Variants in ARMC6 observed in about 807,000 individuals in gnomAD.
The protein encoded by ARMC6 is armadillo repeat containing 6, also known as armadillo repeat-containing protein 6.
A neutral mutation model predicts 49.2 loss-of-function variants in ARMC6; 43 were observed. The observed-to-expected ratio is 0.87, with a 90% confidence interval of 0.69 to 1.13. The LOEUF is 1.13. Among genes scored for constraint, ARMC6 ranks in the 50% most tolerant of loss-of-function variants. The pLI is 0.00. For synonymous variants in ARMC6, 262 were observed against 289.6 expected (o/e 0.90, Z 0.97); for missense variants, 627 against 682.0 (o/e 0.92, Z 0.90).
rs1440675394 is a variant in ARMC6, at chr19:19,055,229, C to A, written c.1024-36C>A. On this transcript the variant is annotated intron_variant, in intron 6 of 8. Coordinates refer to ENST00000535612, the MANE Select transcript of ARMC6 (RefSeq NM_001199196.2). This position sits in a 1 kb window ranked among gnomAD's most constrained non-coding sequence, Gnocchi z 5.7. ...CAGAGCCCTCTCCCACAACCAGCGG[C>A]CTGGCTGGAGGTGAGCGGGCCTTTC... The A allele has an allele frequency of 1.3e-6, 2 of 1,541,418 alleles. No homozygotes were observed. The highest frequency in any genetic ancestry group is 1.2e-5 in the South Asian group (1 of 80,120).
intron 2 of ARMC6, chr19:19,037,836 G>C: frequency 2.7e-6 from 1 of 368,714 alleles, no homozygotes; most frequent in Non-Finnish European, 4.3e-6. Flanking sequence ...ACCCTGTCAA[G>C]ACCTTCTGGT....
At chr19:19,037,776 G>A (rs1375881281) in intron 2 of ARMC6, 9 of 847,204 alleles carry the variant, frequency 1.1e-5, no homozygotes, top group African/African-American at 1.9e-5. Context: ...CCTAAGGCCT[G>A]TTCCTCCTTT....
rs765835177 is a variant in ARMC6 at position 19,055,982 on chromosome 19, G to A, written c.1293+54G>A. The A allele has an allele frequency of 3.2e-6, 5 of 1,562,688 alleles. No individual in the cohort carries two copies. Among genetic ancestry groups the A allele is most frequent in the Non-Finnish European group, 4.3e-6 (5 of 1,157,088 alleles). On this transcript the variant is annotated intron_variant, in intron 8 of 8. Transcript: ENST00000535612. This position sits in a 1 kb window ranked among gnomAD's most constrained non-coding sequence, Gnocchi z 5.7. ...AGGCTGGTGTGGGATGTGCAGGTAGGTGCAGAGAGGGCATGGGAGCAGGTG... is the reference window on the plus strand; with the variant it reads ...AGGCTGGTGTGGGATGTGCAGGTAGATGCAGAGAGGGCATGGGAGCAGGTG...
In ARMC6 at chr19:19,052,124, A is replaced by T. The variant is rs750035899; in HGVS notation, c.782A>T (p.His261Leu). The change falls in exon 5 of 9, where the codon CAT (histidine) becomes CTT (leucine). Residue 261 changes from histidine to leucine, a missense_variant. His to Leu is a moderately conservative substitution (Grantham distance 99). Coordinates refer to ENST00000535612, the MANE Select transcript of ARMC6 (RefSeq NM_001199196.2). The part of the protein sequence containing the change: ...FDDDIRVPFG[H>L]AHNHAKMIVQ... ...GACGACATCCGTGTGCCCTTTGGCC[A>T]TGCCCACAACCATGCCAAGATGATT... 4 of 1,613,916 alleles carry T rather than the reference A, an allele frequency of 2.5e-6. No homozygotes were observed. In the South Asian group the frequency reaches 4.4e-5, roughly 18 times the overall value.
chr19:19,037,475 T>C (rs2059380099), intron 2 of ARMC6: 4 of 374,646 alleles, frequency 1.1e-5, no homozygotes, highest in Non-Finnish European at 1.6e-5. Context: ...CTCCCTGGGC[T>C]CCCACCTCAG....
chr19:19,054,057 C>T, intron 5 of ARMC6, 95 bp from the exon 6 acceptor site: 1 of 1,328,540 alleles, frequency 7.5e-7, no homozygotes, highest in Non-Finnish European at 1.0e-6. Context: ...GGCAGAAGGG[C>T]TGGACTCTTC....
In ARMC6 at chr19:19,055,316, G is replaced by A. The variant is rs549061274; in HGVS notation, c.1075G>A (p.Asp359Asn). Residue 359 changes from aspartate to asparagine, a missense_variant, in exon 7 of 9, where the codon GAC becomes AAC. Transcript: ENST00000535612. This position sits in a 1 kb window ranked among gnomAD's most constrained non-coding sequence, Gnocchi z 5.7. ...STLRAIAGND[D>N]VKDAIVRAGG... is the part of the protein sequence containing the mutation. ...CCTGCGAGCCATCGCAGGCAACGAC[G>A]ACGTGAAAGATGCTATTGTCCGTGC... The A allele has an allele frequency of 1.9e-6, 3 of 1,612,970 alleles. No individual in the cohort carries two copies. The highest frequency in any genetic ancestry group is 4.5e-5 in the East Asian group (2 of 44,782).
chr19:19,057,821 C>G lies in ARMC6; in HGVS notation c.*193C>G, dbSNP rs1460164535. 2 of 756,406 alleles carry G rather than the reference C, an allele frequency of 2.6e-6. No homozygotes were observed. The highest frequency in any genetic ancestry group is 3.5e-5 in the Admixed American group (2 of 56,556). The allele number at this position is 756,406 out of a possible 1,614,324, so 46.9% of individuals were successfully genotyped here. A position where few individuals can be genotyped will look rare whatever the true frequency, so the allele number is the denominator to read the frequency against. On this transcript the variant is annotated 3_prime_UTR_variant, in exon 9 of 9. Coordinates refer to ENST00000535612, the MANE Select transcript of ARMC6 (RefSeq NM_001199196.2). ...GGCCTCTACACAGAAGAAAGCAGCC[C>G]CCATGTCCCAGCCACTTCTGGGTCC...
chr19:19,054,203 G>T lies in ARMC6; in HGVS notation c.905G>T (p.Arg302Leu), dbSNP rs776411936. Residue 302 changes from arginine (R) to leucine (L), a missense_variant, in exon 6 of 9, where the codon CGC (arginine) becomes CTC (leucine). Coordinates refer to ENST00000535612, the MANE Select transcript of ARMC6 (RefSeq NM_001199196.2). ...AGCGAGCTCTGTGGAACCCTGTCCC[G>T]CCTGGCCATTCGCAACGAGTTCTGC... ...ILSELCGTLS[R>L]LAIRNEFCQE... The T allele has an allele frequency of 1.7e-5, 28 of 1,611,104 alleles. No individual in the cohort carries two copies. Among genetic ancestry groups the T allele is most frequent in the Non-Finnish European group, 2.3e-5 (27 of 1,178,736 alleles).
chr19:19,040,155 C>T lies in ARMC6; in HGVS notation c.30-2556C>T, dbSNP rs114724870. ...CAGATTCGGGTTTGAGATTTTGGCA[C>T]GATGACTTCACAGGTGCATTTTGTT... On this transcript the variant is annotated intron_variant, in intron 2 of 8. Transcript: ENST00000535612. Among the ~76,000 whole-genome samples the T allele has an allele frequency of 7.9e-3, 1,199 of 152,200 alleles. 12 individuals are homozygous for T. Among genetic ancestry groups the T allele is most frequent in the African/African-American group, 0.028 (1,160 of 41,528 alleles).
intron 2 of ARMC6, among the ~76,000 whole-genome samples, chr19:19,037,288 T>C (rs1331670838): frequency 1.3e-5 from 2 of 151,808 alleles, no homozygotes; most frequent in East Asian, 3.9e-4. Context: ...CAGTCCATGG[T>C]GGGCATCTGC....
intron 2 of ARMC6, among the ~76,000 whole-genome samples, chr19:19,039,678 A>G (rs186523328): frequency 1.3e-5 from 2 of 152,308 alleles, no homozygotes; most frequent in Non-Finnish European, 2.9e-5. Flanking sequence ...TTGACGAGAC[A>G]TCATGTTTTT....
In ARMC6 at chr19:19,055,413, GCA is replaced by G; in HGVS notation, c.1155+24_1155+25del. 1 of 1,587,110 alleles carries G rather than the reference GCA, an allele frequency of 6.3e-7. No individual in the cohort carries two copies. Among genetic ancestry groups the G allele is most frequent in the South Asian group, 1.1e-5 (1 of 87,278 alleles). ...AGCCCCCAGGTACCCACCTCGGGGGGCACACACAGTAGCAGGGTGGTGGCTGG... is the reference window on the plus strand; with the variant it reads ...AGCCCCCAGGTACCCACCTCGGGGGGCACACAGTAGCAGGGTGGTGGCTGG... On this transcript the variant is annotated intron_variant, in intron 7 of 8. Coordinates refer to ENST00000535612, the MANE Select transcript of ARMC6 (RefSeq NM_001199196.2). The surrounding 1 kb of genome is among the most constrained non-coding windows in gnomAD (Gnocchi z 5.7).
chr19:19,037,290 G>T (rs1226886241), intron 2 of ARMC6, among the ~76,000 whole-genome samples: 1 of 152,066 alleles, frequency 6.6e-6, no homozygotes, highest in Admixed American at 6.6e-5. Flanking sequence ...GTCCATGGTG[G>T]GCATCTGCAG....
At chr19:19,045,534 C>A (rs1014933493) in intron 4 of ARMC6, among the ~76,000 whole-genome samples, 25 of 121,276 alleles carry the variant, frequency 2.1e-4, no homozygotes, top group African/African-American at 7.9e-4. Flanking sequence ...GTTGCCCAGG[C>A]TGGAGTACAC....
At chr19:19,045,201 C>G (rs150919799) in intron 4 of ARMC6, among the ~76,000 whole-genome samples, 5 of 152,154 alleles carry the variant, frequency 3.3e-5, no homozygotes, top group Non-Finnish European at 5.9e-5. Flanking sequence ...GTAGTAGAGA[C>G]GAAGTTTCAC....
chr19:19,054,654 G>A lies in ARMC6; in HGVS notation c.1023+333G>A, dbSNP rs141800183. Among the ~76,000 whole-genome samples, 280 of 152,214 alleles carry A rather than the reference G, an allele frequency of 1.8e-3. 1 individual carries two copies. The highest frequency in any genetic ancestry group is 6.8e-3 in the Middle Eastern group (2 of 292). On this transcript the variant is annotated intron_variant, in intron 6 of 8. Coordinates refer to ENST00000535612, the MANE Select transcript of ARMC6 (RefSeq NM_001199196.2). ...GTGTCCCTACTCATTACTCCGTTTAGCAGCCGATTATTGAGCCCTTCTCCA... is the reference window on the plus strand; with the variant it reads ...GTGTCCCTACTCATTACTCCGTTTAACAGCCGATTATTGAGCCCTTCTCCA...
chr19:19,045,493 C>CTTTTTTTTTTTTTTTTTTTA, intron 4 of ARMC6, among the ~76,000 whole-genome samples: 1 of 89,118 alleles, frequency 1.1e-5, no homozygotes, highest in Non-Finnish European at 2.0e-5. Context: ...ATGCTAAATT[C>CTTTTTTTTTTTTTTTTTTTA]TTTTTTTTTT....
chr19:19,051,650 C>T lies in ARMC6; in HGVS notation c.308C>T (p.Ala103Val). Reference sequence around the variant, plus strand: ...CTCAGTGACCTCCAGGAGTCTGTGGCCAGCTCTCGCCCCCAGGAGGTGTCA... The same window carrying T: ...CTCAGTGACCTCCAGGAGTCTGTGGTCAGCTCTCGCCCCCAGGAGGTGTCA... ...QMLSDLQESV[A>V]SSRPQEVSAY... Residue 103 changes from alanine to valine, a missense_variant, in exon 5 of 9, where the codon GCC becomes GTC. Physicochemically the swap from Ala to Val is moderately conservative, Grantham distance 64. Transcript: ENST00000535612. 1 of 1,607,682 alleles carries T rather than the reference C, an allele frequency of 6.2e-7. No homozygotes were observed.
Sources: gnomAD v4.1 joint callset for allele counts (sites outside exome capture counted in the v4.1 genomes callset) on GRCh38, gnomAD v4.1.1 for gene constraint, Gnocchi (gnomAD v3.1) non-coding constraint, MANE v1.5 for transcripts, NCBI Gene and HGNC (gene_info 2026-07-23, HGNC 2026-07-21) for gene names.